Variants in LINGO2 observed in about 807,000 individuals in gnomAD.
The protein encoded by LINGO2 is leucine rich repeat and Ig domain containing 2.
Under a neutral mutation model 30.6 loss-of-function variants are expected in LINGO2, and 14 were observed. The ratio of observed to expected loss-of-function variants is 0.46; its 90% confidence interval spans 0.30 to 0.72. The LOEUF (loss-of-function observed/expected upper bound fraction) is 0.72, where lower values mean the gene tolerates loss of function less well. Ranked by LOEUF, LINGO2 falls within the 30% of genes least tolerant of loss-of-function variation. LINGO2 has a pLI of 0.07. For synonymous variants in LINGO2, 317 were observed against 288.5 expected (o/e 1.10, Z -1.00); for missense variants, 729 against 751.7 (o/e 0.97, Z 0.35).
chr9:28,863,602 G>A, the LINGO2 span: 16 of 528,672 alleles, frequency 3.0e-5, no homozygotes, highest in African/African-American at 2.3e-4. Context: ...GCTTCATGGT[G>A]TAGATCAACT....
chr9:28,027,974 G>T (rs970732436), intron 4 of LINGO2, among the ~76,000 whole-genome samples: 1 of 152,248 alleles, frequency 6.6e-6, no homozygotes, highest in South Asian at 2.1e-4. Flanking sequence ...CAAACTTAAA[G>T]AACATAAAAT....
Position 28,406,079 on chromosome 9 carries a change from C to T in LINGO2, c.-278-33211G>A, listed in dbSNP as rs373331404. ...TATCTTTATTCTAATTCCTTGTTTT[C>T]AAAATTCCCTTGACATATCGTTGTT... On this transcript the variant is annotated intron_variant, in intron 2 of 5. Coordinates refer to ENST00000379992, the Ensembl canonical transcript of LINGO2. Among the ~76,000 whole-genome samples the T allele has an allele frequency of 1.2e-4, 18 of 152,228 alleles. No individual in the cohort carries two copies. The East Asian group carries it at 3.5e-3, about 29-fold the overall frequency.
At chr9:28,854,685 C>T in the LINGO2 span, among the ~76,000 whole-genome samples, 1 of 151,886 alleles carries the variant, frequency 6.6e-6, no homozygotes, top group Non-Finnish European at 1.5e-5. Flanking sequence ...TGAAACGGTG[C>T]CTTTGGTTTT....
the LINGO2 span, among the ~76,000 whole-genome samples, chr9:29,011,309 G>C: frequency 6.6e-6 from 1 of 152,160 alleles, no homozygotes; most frequent in Non-Finnish European, 1.5e-5. Flanking sequence ...ACCTTCTTCA[G>C]TAGTCTCAGT....
chr9:28,815,600 C>T, the LINGO2 span, among the ~76,000 whole-genome samples: 12 of 152,200 alleles, frequency 7.9e-5, no homozygotes, highest in African/African-American at 2.2e-4. Context: ...AAGTCATTCT[C>T]AGAAAGATCT....
chr9:28,333,496 G>A (rs962277900), intron 3 of LINGO2, among the ~76,000 whole-genome samples: 2 of 152,118 alleles, frequency 1.3e-5, no homozygotes, highest in African/African-American at 4.8e-5. Flanking sequence ...ATGGTAACTT[G>A]ATGGAGCTGA....
intron 1 of LINGO2, among the ~76,000 whole-genome samples, chr9:28,633,370 G>A (rs919334037): frequency 4.6e-5 from 7 of 152,242 alleles, no homozygotes; most frequent in East Asian, 3.9e-4. Context: ...AGGTGAAACC[G>A]AGATGCAAGT....
the LINGO2 span, among the ~76,000 whole-genome samples, chr9:29,079,674 G>A: frequency 2.0e-5 from 3 of 151,856 alleles, no homozygotes; most frequent in Non-Finnish European, 4.4e-5. Flanking sequence ...GAGCTCCATT[G>A]CCTACAGGTC....
At chr9:29,174,520 C>T in the LINGO2 span, among the ~76,000 whole-genome samples, 3 of 152,068 alleles carry the variant, frequency 2.0e-5, no homozygotes, top group Non-Finnish European at 2.9e-5. Flanking sequence ...AACTACTTAA[C>T]AGAAATTTCA....
At chr9:28,254,733 T>C (rs1451177499) in intron 4 of LINGO2, among the ~76,000 whole-genome samples, 1 of 152,090 alleles carries the variant, frequency 6.6e-6, no homozygotes, top group Non-Finnish European at 1.5e-5. Flanking sequence ...AAACAACCAT[T>C]TTTTAAGCAA....
rs375834333 is a variant in LINGO2, at chr9:28,379,619, A to C, written c.-278-6751T>G. On this transcript the variant is annotated intron_variant, in intron 2 of 5. Coordinates refer to ENST00000379992, the Ensembl canonical transcript of LINGO2. ...AGAAGTATGACTTAGGATCAACAGG[A>C]AATGCGATGTGCCTCCCACAAACAC... Among the ~76,000 whole-genome samples, 33 of 152,270 alleles carry C rather than the reference A, an allele frequency of 2.2e-4. 1 individual carries two copies. In the East Asian group the frequency reaches 4.6e-3, roughly 21 times the overall value.
chr9:28,796,391 T>C, the LINGO2 span, among the ~76,000 whole-genome samples: 1 of 152,122 alleles, frequency 6.6e-6, no homozygotes, highest in African/African-American at 2.4e-5. Flanking sequence ...GCTCTTAAAG[T>C]TGCATCTCAA....
chr9:29,170,323 T>C, the LINGO2 span, among the ~76,000 whole-genome samples: 2 of 152,136 alleles, frequency 1.3e-5, no homozygotes, highest in Non-Finnish European at 2.9e-5. Context: ...CCAGAGGCCA[T>C]TATCCTAAGT....
chr9:28,440,880 A>C (rs181242094), intron 2 of LINGO2, among the ~76,000 whole-genome samples: 35 of 152,326 alleles, frequency 2.3e-4, no homozygotes, highest in Middle Eastern at 3.4e-3. Context: ...GAATATATAA[A>C]ACAATTTGAA....
At chr9:28,021,749 A>C (rs1227930070) in intron 4 of LINGO2, among the ~76,000 whole-genome samples, 1 of 152,078 alleles carries the variant, frequency 6.6e-6, no homozygotes, top group African/African-American at 2.4e-5. Flanking sequence ...TTTATCCCAG[A>C]TAATTTTCCT....
the LINGO2 span, among the ~76,000 whole-genome samples, chr9:29,138,615 T>G: frequency 6.7e-6 from 1 of 149,288 alleles, no homozygotes; most frequent in Non-Finnish European, 1.5e-5. Flanking sequence ...ACATTAGTAG[T>G]AGCCATCAGT....
rs1823209972 is a variant in LINGO2 at position 28,278,487 on chromosome 9, C to G, written c.-87+16721G>C. Among the ~76,000 whole-genome samples the G allele has an allele frequency of 2.0e-5, 3 of 152,116 alleles. No individual in the cohort carries two copies. In the South Asian group the frequency reaches 6.2e-4, roughly 31 times the overall value. ...TGCAGCTGGTGACTTTAAGTTGAAGCCAATGCTCCTTTACCATTTCAAAAA... is the reference window on the plus strand; with the variant it reads ...TGCAGCTGGTGACTTTAAGTTGAAGGCAATGCTCCTTTACCATTTCAAAAA... On this transcript the variant is annotated intron_variant, in intron 4 of 5. Coordinates refer to ENST00000379992, the Ensembl canonical transcript of LINGO2.
chr9:28,193,806 G>A (rs1310171350), intron 4 of LINGO2, among the ~76,000 whole-genome samples: 1 of 152,134 alleles, frequency 6.6e-6, no homozygotes, highest in Non-Finnish European at 1.5e-5. Context: ...GGCTGCAGTG[G>A]AAACAATCAG....
Position 28,631,880 on chromosome 9 carries a change from C to T in LINGO2, c.-365+38320G>A, listed in dbSNP as rs77652994. Among the ~76,000 whole-genome samples the T allele has an allele frequency of 1.4e-3, 211 of 152,226 alleles. 1 individual carries two copies. The highest frequency in any genetic ancestry group is 2.3e-3 in the Non-Finnish European group (157 of 67,998). On this transcript the variant is annotated intron_variant, in intron 1 of 5. Coordinates refer to ENST00000379992, the Ensembl canonical transcript of LINGO2. ...GAACCTTTTGGTCCTATGAATTAAT[C>T]CATCCAACAAATATGTGTTAAGCTA... is the stretch of plus-strand genomic sequence containing the variant.
Sources: gnomAD v4.1 joint callset for allele counts (sites outside exome capture counted in the v4.1 genomes callset) on GRCh38, gnomAD v4.1.1 for gene constraint, MANE v1.5 for transcripts, NCBI Gene and HGNC (gene_info 2026-07-23, HGNC 2026-07-21) for gene names.